The following KCNIP4 variants were observed in gnomAD, a reference collection of about 807,000 sequenced individuals.
KCNIP4 encodes Kv channel-interacting protein 4.
In KCNIP4, 12 loss-of-function variants were observed where a neutral mutation model predicts 34.0. The ratio of observed to expected loss-of-function variants is 0.35; its 90% CI spans 0.23 to 0.57. The LOEUF (loss-of-function observed/expected upper bound fraction) is 0.57. KCNIP4 is among the 20% of genes least tolerant of loss of function. KCNIP4 has a pLI of 0.83. For missense variants in KCNIP4, 238 were observed against 311.7 expected, an observed-to-expected ratio of 0.76 and a Z score of 1.78; for synonymous variants, 124 against 102.2, an observed-to-expected ratio of 1.21 and a Z score of -1.29.
intron 1 of KCNIP4, among the ~76,000 whole-genome samples, chr4:21,084,978 A>G (rs1746293629): frequency 1.3e-5 from 2 of 149,836 alleles, no homozygotes; most frequent in African/African-American, 5.1e-5. Context: ...TTACACTTAT[A>G]TAATATCTAT....
chr4:20,730,168 T>G (rs370471191), intron 8 of KCNIP4, 39 bp from the exon 9 acceptor site: 1 of 1,583,624 alleles, frequency 6.3e-7, no homozygotes, highest in South Asian at 1.2e-5. Flanking sequence ...ATTCAGCATA[T>G]CTGCAAGGAA....
At chr4:21,461,753 T>A (rs183227202) in intron 1 of KCNIP4, among the ~76,000 whole-genome samples, 2 of 152,024 alleles carry the variant, frequency 1.3e-5, no homozygotes, top group Admixed American at 1.3e-4. Flanking sequence ...ACATGCCTGA[T>A]GCACATTTTA....
chr4:21,544,529 T>C (rs1160427572), intron 1 of KCNIP4: 1 of 152,132 alleles, frequency 6.6e-6, no homozygotes, highest in Non-Finnish European at 1.5e-5. Flanking sequence ...ATTCTGGTTG[T>C]TGGCAGAAGC....
chr4:21,881,610 G>A (rs745539668), intron 1 of KCNIP4, among the ~76,000 whole-genome samples: 7 of 152,082 alleles, frequency 4.6e-5, no homozygotes, highest in African/African-American at 1.4e-4. Context: ...AGTTGCACAC[G>A]TTGATACGCA....
chr4:20,782,942 C>A (rs1756996527), intron 3 of KCNIP4, among the ~76,000 whole-genome samples: 1 of 152,178 alleles, frequency 6.6e-6, no homozygotes, highest in South Asian at 2.1e-4. Flanking sequence ...GCACCCAAGT[C>A]ACCTCTTGAA....
At chr4:20,824,339 A>G (rs16870090) in intron 3 of KCNIP4, among the ~76,000 whole-genome samples, 2,599 of 152,312 alleles carry the variant, frequency 0.017, 80 homozygotes, top group African/African-American at 0.06. Context: ...ACAAGTAGGC[A>G]CAAAAATTAG....
intron 1 of KCNIP4, among the ~76,000 whole-genome samples, chr4:21,449,022 C>A (rs1000339477): frequency 6.6e-6 from 1 of 152,166 alleles, no homozygotes; most frequent in African/African-American, 2.4e-5. Flanking sequence ...CAAACATTTT[C>A]TATTCTTCAA....
intron 1 of KCNIP4, among the ~76,000 whole-genome samples, chr4:21,823,221 A>T (rs111830702): frequency 3.5e-4 from 53 of 152,234 alleles, no homozygotes; most frequent in African/African-American, 1.3e-3. Context: ...CTTTCATACA[A>T]GAGCTACTGC....
At chr4:21,910,115 G>A (rs1300079266) in intron 1 of KCNIP4, among the ~76,000 whole-genome samples, 2 of 152,020 alleles carry the variant, frequency 1.3e-5, no homozygotes, top group African/African-American at 4.8e-5. Flanking sequence ...AGCTCATAAG[G>A]AGAACTCAGA....
At chr4:21,927,283 G>T (rs1389718384) in intron 1 of KCNIP4, among the ~76,000 whole-genome samples, 1 of 152,054 alleles carries the variant, frequency 6.6e-6, no homozygotes, top group Admixed American at 6.6e-5. Context: ...GATTATATCT[G>T]CAGGGTCCCT....
intron 1 of KCNIP4, among the ~76,000 whole-genome samples, chr4:21,573,092 T>C (rs1740480208): frequency 6.6e-6 from 1 of 152,190 alleles, no homozygotes; most frequent in Non-Finnish European, 1.5e-5. Flanking sequence ...AGGCATGTTA[T>C]TATTATCACC....
At chr4:21,246,242 C>A (rs1319720309) in intron 1 of KCNIP4, among the ~76,000 whole-genome samples, 1 of 152,070 alleles carries the variant, frequency 6.6e-6, no homozygotes, top group Non-Finnish European at 1.5e-5. Flanking sequence ...AATATGTGGC[C>A]CTGGCTTGCT....
At chr4:20,769,092 G>C (rs890697212) in intron 3 of KCNIP4, among the ~76,000 whole-genome samples, 1 of 148,204 alleles carries the variant, frequency 6.7e-6, no homozygotes, top group Non-Finnish European at 1.5e-5. Flanking sequence ...AAAAAAAACT[G>C]GCTCAAGTTT....
intron 1 of KCNIP4, among the ~76,000 whole-genome samples, chr4:21,264,489 G>T (rs540443222): frequency 2.6e-5 from 4 of 152,120 alleles, no homozygotes; most frequent in African/African-American, 4.8e-5. Context: ...GAACTGGAAT[G>T]CAGGCTCTGT....
intron 1 of KCNIP4, among the ~76,000 whole-genome samples, chr4:21,392,652 C>G (rs561223434): frequency 1.3e-5 from 2 of 152,166 alleles, no homozygotes; most frequent in African/African-American, 4.8e-5. Flanking sequence ...GAATTTTTAG[C>G]TTCATAGCTT....
intron 1 of KCNIP4, among the ~76,000 whole-genome samples, chr4:20,968,196 T>G (rs1409731188): frequency 6.6e-6 from 1 of 152,128 alleles, no homozygotes; most frequent in Non-Finnish European, 1.5e-5. Context: ...TCACTGGCCA[T>G]CAGAGAAATG....
intron 1 of KCNIP4, among the ~76,000 whole-genome samples, chr4:21,236,855 A>AAG (rs1317200731): frequency 6.6e-6 from 1 of 151,772 alleles, no homozygotes; most frequent in African/African-American, 2.4e-5. Context: ...TAAAAAAAAA[A>AAG]AAAAATACCA....
chr4:20,838,333 A>T (rs1719316733), intron 3 of KCNIP4, among the ~76,000 whole-genome samples: 1 of 152,218 alleles, frequency 6.6e-6, no homozygotes, highest in South Asian at 2.1e-4. Context: ...AAACAAAAAA[A>T]TGTCTTAGAA....
At chr4:21,120,276 G>A (rs1319097345) in intron 1 of KCNIP4, among the ~76,000 whole-genome samples, 1 of 152,172 alleles carries the variant, frequency 6.6e-6, no homozygotes, top group East Asian at 1.9e-4. Flanking sequence ...ACAGACTAGG[G>A]GGCTTAAACA....
Sources: allele counts gnomAD v4.1 joint callset (sites outside exome capture counted in the v4.1 genomes callset), GRCh38; gene constraint gnomAD v4.1.1; transcripts MANE v1.5; gene names NCBI Gene and HGNC (gene_info 2026-07-23, HGNC 2026-07-21).